The following FHOD3 variants were observed in gnomAD, a reference collection of about 807,000 sequenced individuals.
FHOD3 encodes FH1/FH2 domain-containing protein 3.
In FHOD3, 90 loss-of-function variants were observed where a neutral mutation model predicts 173.0. The observed-to-expected ratio is 0.52, with a 90% CI of 0.44 to 0.62. The LOEUF is 0.62. Among genes scored for constraint, FHOD3 ranks in the 20% least tolerant of loss-of-function variants. The pLI, the probability that FHOD3 is intolerant of heterozygous loss-of-function variation, is 0.00. For synonymous variants in FHOD3, 828 were observed against 823.0 expected, an observed-to-expected ratio of 1.01 and a Z score of -0.10; for missense variants, 1,945 against 2,034.7, an observed-to-expected ratio of 0.96 and a Z score of 0.85.
intron 1 of FHOD3, among the ~76,000 whole-genome samples, chr18:36,343,920 A>T (rs1347413265): frequency 6.6e-6 from 1 of 152,198 alleles, no homozygotes; most frequent in Non-Finnish European, 1.5e-5. Flanking sequence ...AGGGGCTGGA[A>T]GGTATATGTG....
At chr18:36,720,005 A>T (rs970107532) in intron 19 of FHOD3, among the ~76,000 whole-genome samples, 1 of 152,122 alleles carries the variant, frequency 6.6e-6, no homozygotes, top group Non-Finnish European at 1.5e-5. Context: ...AATCTCCTCA[A>T]GTCAAAATTA....
Position 36,760,714 on chromosome 18 carries a change from C to A in FHOD3, c.4556C>A (p.Thr1519Asn), listed in dbSNP as rs192942818. The change falls in exon 27 of 29, where the codon ACC (threonine) becomes AAC (asparagine). Residue 1519 changes from threonine (T) to asparagine (N), a missense_variant. Around this residue, in one of 5 missense-constraint regions of FHOD3, gnomAD observed 354 missense variants for 359.9 expected, o/e 0.98. Coordinates refer to ENST00000590592, the MANE Select transcript of FHOD3 (RefSeq NM_001281740.3). ...EHENMKAVLK[T>N]SSPSVEDATP... ...GAGAACATGAAGGCTGTGCTGAAAA[C>A]CTCGTCCCCCTCCGTGGAGGACGCC... 1.2e-6 allele frequency: 2 copies of A among 1,613,230 alleles called. No homozygotes were observed.
intron 5 of FHOD3, among the ~76,000 whole-genome samples, chr18:36,528,768 G>A (rs1208935323): frequency 2.6e-5 from 4 of 152,234 alleles, no homozygotes; most frequent in African/African-American, 7.2e-5. Flanking sequence ...GTTAGATCAT[G>A]CCTTGAAGAT....
At chr18:36,590,694 T>A (rs1040976982) in intron 6 of FHOD3, among the ~76,000 whole-genome samples, 6 of 152,022 alleles carry the variant, frequency 3.9e-5, no homozygotes, top group South Asian at 2.1e-4. Context: ...GGGATTTTTT[T>A]AAAAAAACAA....
intron 8 of FHOD3, among the ~76,000 whole-genome samples, chr18:36,603,693 G>A (rs927386256): frequency 4.6e-5 from 7 of 151,886 alleles, no homozygotes; most frequent in African/African-American, 1.5e-4. Context: ...TAGTAGAGTC[G>A]GGGTTTAGCC....
At chr18:36,510,071 A>G (rs2055549648) in intron 4 of FHOD3, among the ~76,000 whole-genome samples, 1 of 152,102 alleles carries the variant, frequency 6.6e-6, no homozygotes, top group South Asian at 2.1e-4. Flanking sequence ...ATCATCTCTC[A>G]TGTTTTCTAG....
At chr18:36,382,368 C>G (rs545210355) in intron 3 of FHOD3, among the ~76,000 whole-genome samples, 2 of 152,008 alleles carry the variant, frequency 1.3e-5, no homozygotes, top group Admixed American at 1.3e-4. Context: ...GGCCCAATAA[C>G]GAGAAGCAGA....
In FHOD3 at chr18:36,512,535, T is replaced by A. The variant is rs559623432; in HGVS notation, c.503T>A (p.Ile168Asn). 1 of 1,612,914 alleles carries A rather than the reference T, an allele frequency of 6.2e-7. No individual in the cohort carries two copies. The highest frequency in any genetic ancestry group is 2.2e-5 in the East Asian group (1 of 44,864). Residue 168 changes from isoleucine to asparagine, a missense_variant, in exon 5 of 29, where the codon ATC (isoleucine) becomes AAC (asparagine). Physicochemically the swap from Ile to Asn is moderately radical, Grantham distance 149 (BLOSUM62 -3). This residue lies in a region of FHOD3 where 245 missense variants were observed against 267.7 expected (regional missense o/e 0.92). Coordinates refer to ENST00000590592, the MANE Select transcript of FHOD3 (RefSeq NM_001281740.3). ...AEADQNYQNY[I>N]LRALGQIMLY... The stretch of plus-strand genomic sequence containing the variant: ...GCTGATCAGAACTATCAGAACTACA[T>A]CTTAAGGGGTAAGTCATGACTGGGC...
chr18:36,680,868 T>C (rs922296902), intron 14 of FHOD3, among the ~76,000 whole-genome samples: 1 of 152,280 alleles, frequency 6.6e-6, no homozygotes, highest in Non-Finnish European at 1.5e-5. Flanking sequence ...GAGACTGATA[T>C]ATAGTAAAAT....
intron 5 of FHOD3, among the ~76,000 whole-genome samples, chr18:36,546,171 C>T (rs570328590): frequency 2.6e-5 from 4 of 152,314 alleles, no homozygotes; most frequent in African/African-American, 7.2e-5. Flanking sequence ...GCTGGTGTTA[C>T]ATTCCACCGC....
At chr18:36,414,491 C>T (rs2049522175) in intron 3 of FHOD3, among the ~76,000 whole-genome samples, 1 of 152,172 alleles carries the variant, frequency 6.6e-6, no homozygotes, top group Admixed American at 6.5e-5. Context: ...GGCAGCAATA[C>T]CAAGGAGAGC....
At chr18:36,761,587 C>T (rs539925129) in intron 27 of FHOD3, among the ~76,000 whole-genome samples, 2 of 152,250 alleles carry the variant, frequency 1.3e-5, no homozygotes, top group South Asian at 4.2e-4. Flanking sequence ...CTAGAGTCCC[C>T]GCTCTTCTCA....
At chr18:36,699,606 A>G (rs1281834975) in intron 17 of FHOD3, among the ~76,000 whole-genome samples, 2 of 152,212 alleles carry the variant, frequency 1.3e-5, no homozygotes, top group African/African-American at 4.8e-5. Flanking sequence ...TCCATGCTCA[A>G]GATCTTAATC....
intron 10 of FHOD3, among the ~76,000 whole-genome samples, chr18:36,632,109 A>G (rs980005788): frequency 1.3e-5 from 2 of 152,214 alleles, no homozygotes; most frequent in African/African-American, 2.4e-5. Flanking sequence ...AGAATTTGAG[A>G]CAATGGACAT....
At position 36,541,838 on chromosome 18, in the gene FHOD3, T is replaced by C. The variant is rs189387608; in HGVS notation, c.511+29295T>C. 1.0e-3 allele frequency among the ~76,000 whole-genome samples: 157 copies of C among 152,340 alleles called. 2 individuals are homozygous for C. Among genetic ancestry groups the C allele is most frequent in the African/African-American group, 3.7e-3 (153 of 41,576 alleles). ...CCTCAGAATGGAACTGAACTAAATCTCCAGCTTATCCCCCTTGAGAATTCT... is the reference window on the plus strand; with the variant it reads ...CCTCAGAATGGAACTGAACTAAATCCCCAGCTTATCCCCCTTGAGAATTCT... On this transcript the variant is annotated intron_variant, in intron 5 of 28. Coordinates refer to ENST00000590592, the MANE Select transcript of FHOD3 (RefSeq NM_001281740.3).
Position 36,625,639 on chromosome 18 carries a change from C to T in FHOD3, c.1086C>T (p.Ser362=). 1 of 1,608,616 alleles carries T rather than the reference C, an allele frequency of 6.2e-7. No individual in the cohort carries two copies. The highest frequency in any genetic ancestry group is 8.5e-7 in the Non-Finnish European group (1 of 1,176,820). ...GEHRGLDRRR[S]RRHSVQSIKS... ...ACCGGGGCCTGGACCGCAGAAGGAGCCGCAGGCACTCGGTGCAGAGCATCA... is the reference window on the plus strand; with the variant it reads ...ACCGGGGCCTGGACCGCAGAAGGAGTCGCAGGCACTCGGTGCAGAGCATCA... The change falls in exon 10 of 29, where the codon AGC becomes AGT. Residue 362 remains serine, a synonymous_variant. Coordinates refer to ENST00000590592, the MANE Select transcript of FHOD3 (RefSeq NM_001281740.3).
rs577163089 is a variant in FHOD3 at position 36,591,367 on chromosome 18, G to A, written c.607-3420G>A. Among the ~76,000 whole-genome samples, 4 of 152,274 alleles carry A rather than the reference G, an allele frequency of 2.6e-5. No homozygotes were observed. The East Asian group carries it at 5.8e-4, about 22-fold the overall frequency. On this transcript the variant is annotated intron_variant, in intron 6 of 28. Coordinates refer to ENST00000590592, the MANE Select transcript of FHOD3 (RefSeq NM_001281740.3). ...TTGCCCTCATCGCAATGGTTGGGGC[G>A]GAGGCGGGGCTTGGCTTTGCTGGGG... is the stretch of plus-strand genomic sequence containing the variant.
At chr18:36,646,629 T>G (rs149084563) in intron 10 of FHOD3, among the ~76,000 whole-genome samples, 2 of 152,214 alleles carry the variant, frequency 1.3e-5, no homozygotes, top group Admixed American at 6.5e-5. Flanking sequence ...GCCAATTGCG[T>G]ATCGATGTAG....
intron 3 of FHOD3, among the ~76,000 whole-genome samples, chr18:36,377,544 C>G (rs1009981487): frequency 2.0e-5 from 3 of 152,210 alleles, no homozygotes; most frequent in African/African-American, 7.2e-5. Flanking sequence ...TTTTGACACT[C>G]TTGTTCTGAC....
Sources: gnomAD v4.1 joint callset for allele counts (sites outside exome capture counted in the v4.1 genomes callset) on GRCh38, gnomAD v4.1.1 for gene constraint, gnomAD v4.1.1 regional missense constraint, MANE v1.5 for transcripts, NCBI Gene and HGNC (gene_info 2026-07-23, HGNC 2026-07-21) for gene names.